The following ROCK2 variants were observed in gnomAD, a reference collection of about 807,000 sequenced individuals.
ROCK2 encodes the protein Rho associated coiled-coil containing protein kinase 2.
ROCK2 carries 61 observed loss-of-function variants against 195.1 expected under a neutral mutation model. The ratio of observed to expected loss-of-function variants is 0.31; its 90% CI spans 0.25 to 0.39. The LOEUF (loss-of-function observed/expected upper bound fraction) is 0.39. Among genes scored for constraint, ROCK2 ranks in the 10% least tolerant of loss-of-function variants. The pLI is 1.00. For missense variants in ROCK2, 1,109 were observed against 1,637.4 expected (o/e 0.68, Z 5.57); for synonymous variants, 504 against 545.5 (o/e 0.92, Z 1.06).
In ROCK2 at chr2:11,261,214, A is replaced by C. The variant is rs142288588; in HGVS notation, c.325-11416T>G. ...CAGCTTGTGGTCTTTGACATAACTT[A>C]ATCTACAGAGCAAACATTAAGAGGC... On this transcript the variant is annotated intron_variant, in intron 3 of 32. Coordinates refer to ENST00000315872, the MANE Select transcript of ROCK2 (RefSeq NM_004850.5). Among the ~76,000 whole-genome samples the C allele has an allele frequency of 4.2e-3, 639 of 152,320 alleles. 12 individuals carry two copies. Among genetic ancestry groups the C allele is most frequent in the Non-Finnish European group, 2.2e-3 (148 of 68,028 alleles).
At chr2:11,295,523 G>A (rs1338112284) in intron 1 of ROCK2, among the ~76,000 whole-genome samples, 2 of 151,960 alleles carry the variant, frequency 1.3e-5, no homozygotes, top group African/African-American at 2.4e-5. Flanking sequence ...CCTATTTGGT[G>A]CTCACAGTAC....
At chr2:11,319,531 T>C (rs1668335851) in intron 1 of ROCK2, among the ~76,000 whole-genome samples, 1 of 152,208 alleles carries the variant, frequency 6.6e-6, no homozygotes, top group African/African-American at 2.4e-5. Flanking sequence ...AGATAAACAA[T>C]CATGTCATCT....
At chr2:11,264,466 T>C (rs1374915161) in intron 3 of ROCK2, among the ~76,000 whole-genome samples, 2 of 152,198 alleles carry the variant, frequency 1.3e-5, no homozygotes, top group Non-Finnish European at 2.9e-5. Flanking sequence ...AGCCATTTAC[T>C]ACGATCAGAA....
At chr2:11,310,536 T>C (rs1412495158) in intron 1 of ROCK2, among the ~76,000 whole-genome samples, 4 of 152,206 alleles carry the variant, frequency 2.6e-5, no homozygotes, top group Non-Finnish European at 5.9e-5. Context: ...AATAACCAGA[T>C]TGCAGAACGG....
chr2:11,213,332 T>C (rs1470752601), intron 17 of ROCK2, among the ~76,000 whole-genome samples: 1 of 152,144 alleles, frequency 6.6e-6, no homozygotes, highest in African/African-American at 2.4e-5. Context: ...ACATTCAAAA[T>C]TTCTTAATAG....
rs201424778 is a variant in ROCK2 at position 11,190,825 on chromosome 2, TTAA to T, written c.4163+1320_4163+1322del. Reference sequence around the variant, plus strand: ...TTTAAGCATTAATAGTTCTACAATATTAATAATAGAAATTTAATTTTCAGATGT... The same window carrying T: ...TTTAAGCATTAATAGTTCTACAATATTAATAGAAATTTAATTTTCAGATGT... On this transcript the variant is annotated intron_variant, in intron 32 of 32. Coordinates refer to ENST00000315872, the MANE Select transcript of ROCK2 (RefSeq NM_004850.5). Among the ~76,000 whole-genome samples, 853 of 152,276 alleles carry T rather than the reference TTAA, an allele frequency of 5.6e-3. 8 individuals are homozygous for T. Among genetic ancestry groups the T allele is most frequent in the African/African-American group, 0.019 (796 of 41,578 alleles).
chr2:11,345,240 C>G (rs1669268887), upstream of ROCK2, among the ~76,000 whole-genome samples: 1 of 152,196 alleles, frequency 6.6e-6, no homozygotes, highest in African/African-American at 2.4e-5. Flanking sequence ...GGCCTGGGAT[C>G]CTGAAAGCGT....
intron 3 of ROCK2, among the ~76,000 whole-genome samples, chr2:11,267,557 G>A (rs867255369): frequency 2.3e-4 from 35 of 150,298 alleles, no homozygotes; most frequent in African/African-American, 4.4e-4. Flanking sequence ...CAAAAACCCC[G>A]AACAATAACA....
At chr2:11,198,105 G>A (rs566802194) in intron 25 of ROCK2, among the ~76,000 whole-genome samples, 2 of 152,200 alleles carry the variant, frequency 1.3e-5, no homozygotes, top group Non-Finnish European at 2.9e-5. Context: ...ACAGTGAAGA[G>A]TATCTAGTAC....
At chr2:11,274,993 A>C (rs1666772796) in intron 3 of ROCK2, among the ~76,000 whole-genome samples, 1 of 152,244 alleles carries the variant, frequency 6.6e-6, no homozygotes, top group African/African-American at 2.4e-5. Flanking sequence ...GCAGTGGCTC[A>C]TGCCTGTAAT....
intron 6 of ROCK2, 124 bp from the exon 7 acceptor site, chr2:11,224,584 G>A (rs992343770): frequency 5.0e-6 from 4 of 801,890 alleles, no homozygotes; most frequent in Non-Finnish European, 6.1e-6. Flanking sequence ...TATTCTACGG[G>A]CACAGAGTCC....
At chr2:11,326,658 T>C (rs953528971) in intron 1 of ROCK2, among the ~76,000 whole-genome samples, 6 of 152,138 alleles carry the variant, frequency 3.9e-5, no homozygotes, top group African/African-American at 1.2e-4. Context: ...TTTATGAACA[T>C]GTTTATTAGT....
chr2:11,289,575 A>C (rs1667298972), intron 1 of ROCK2, among the ~76,000 whole-genome samples: 1 of 152,256 alleles, frequency 6.6e-6, no homozygotes, highest in Admixed American at 6.5e-5. Flanking sequence ...CTTCTATTGC[A>C]ACAGTAAATC....
chr2:11,198,912 T>A, intron 23 of ROCK2, 138 bp from the exon 24 acceptor site: 1 of 602,970 alleles, frequency 1.7e-6, no homozygotes, highest in South Asian at 2.2e-5. Flanking sequence ...GACAGAGTCT[T>A]GCTCTGTCAC....
Position 11,180,000 on chromosome 2 carries a change from C to T in ROCK2, c.*3437G>A, listed in dbSNP as rs531297359. 5 of 152,028 alleles carry T rather than the reference C, an allele frequency of 3.3e-5. No individual in the cohort carries two copies. The highest frequency in any genetic ancestry group is 7.3e-5 in the Non-Finnish European group (5 of 68,036). 9.4% of individuals were successfully genotyped at this position (152,028 alleles called of 1,614,324 possible). A position where few individuals can be genotyped will look rare whatever the true frequency, so the allele number is the denominator to read the frequency against. ...ATGGGAGTCAGGGAGAGGCCCCCCCCCAAGCATGATATCCAGCGCTGTCAC... is the reference window on the plus strand; with the variant it reads ...ATGGGAGTCAGGGAGAGGCCCCCCCTCAAGCATGATATCCAGCGCTGTCAC... On this transcript the variant is annotated 3_prime_UTR_variant, in exon 33 of 33. Transcript: ENST00000315872.
intron 1 of ROCK2, among the ~76,000 whole-genome samples, chr2:11,322,506 A>C (rs1248882517): frequency 6.6e-6 from 1 of 151,952 alleles, no homozygotes; most frequent in Non-Finnish European, 1.5e-5. Context: ...AAGAGCATCC[A>C]TAATGCTCTT....
intron 1 of ROCK2, among the ~76,000 whole-genome samples, chr2:11,312,289 C>T (rs185695598): frequency 6.6e-5 from 10 of 152,138 alleles, no homozygotes; most frequent in East Asian, 5.8e-4. Context: ...GTAAAACTGA[C>T]GTACAATAAA....
At chr2:11,248,708 CAAAAAAAAAAA>C (rs70953372) in intron 4 of ROCK2, among the ~76,000 whole-genome samples, 25 of 45,418 alleles carry the variant, frequency 5.5e-4, no homozygotes, top group African/African-American at 1.4e-3. Flanking sequence ...GACTTCATCT[CAAAAAAAAAAA>C]AAAAAAAAAA....
At chr2:11,243,293 TTTGGC>T (rs770946750) in intron 4 of ROCK2, among the ~76,000 whole-genome samples, 14 of 152,216 alleles carry the variant, frequency 9.2e-5, no homozygotes, top group Non-Finnish European at 1.5e-4. Flanking sequence ...CAGCAGCATT[TTTGGC>T]CCAAATGTAA....
Sources: allele counts gnomAD v4.1 joint callset (sites outside exome capture counted in the v4.1 genomes callset), GRCh38; gene constraint gnomAD v4.1.1; transcripts MANE v1.5; gene names NCBI Gene and HGNC (gene_info 2026-07-23, HGNC 2026-07-21).